SSBP2: variants seen among roughly 807,000 people sequenced by gnomAD.
The protein encoded by SSBP2 is single stranded DNA binding protein 2, also known as single-stranded DNA-binding protein 2.
A neutral mutation model predicts 61.8 loss-of-function variants in SSBP2; 17 were observed. That is an observed-to-expected ratio of 0.28 (90% CI 0.19 to 0.41). SSBP2 has a LOEUF of 0.41. Ranked by LOEUF, SSBP2 falls within the 10% of genes least tolerant of loss-of-function variation. The probability of loss-of-function intolerance (pLI) is 1.00; values close to 1 mark genes in which losing one functional copy is unlikely to be tolerated. For synonymous variants in SSBP2, 139 were observed against 141.3 expected (o/e 0.98, Z 0.12); for missense variants, 310 against 458.7 (o/e 0.68, Z 2.96).
chr5:81,688,806 G>A (rs1202029179), intron 1 of SSBP2, among the ~76,000 whole-genome samples: 1 of 152,086 alleles, frequency 6.6e-6, no homozygotes, highest in Non-Finnish European at 1.5e-5. Context: ...ACTCTTCAAT[G>A]CTCGAACACT....
At chr5:81,684,408 A>G (rs1752617619) in intron 1 of SSBP2, among the ~76,000 whole-genome samples, 1 of 152,216 alleles carries the variant, frequency 6.6e-6, no homozygotes, top group Non-Finnish European at 1.5e-5. Flanking sequence ...CTATGGATAC[A>G]GCAAAAAGAT....
At position 81,597,304 on chromosome 5, in the gene SSBP2, A is replaced by T. The variant is rs1239353931; in HGVS notation, c.282+18169T>A. Among the ~76,000 whole-genome samples the T allele has an allele frequency of 3.9e-5, 6 of 152,226 alleles. No homozygotes were observed. In the East Asian group the frequency reaches 7.7e-4, roughly 20 times the overall value. On this transcript the variant is annotated intron_variant, in intron 4 of 16. Transcript: ENST00000320672. ...TCAGAGAAATGCAAATCAAAACCAC[A>T]ATGAGATACCATCTCACACCAGTTA...
At chr5:81,500,886 C>T (rs1767657460) in intron 5 of SSBP2, among the ~76,000 whole-genome samples, 1 of 151,718 alleles carries the variant, frequency 6.6e-6, no homozygotes, top group Non-Finnish European at 1.5e-5. Flanking sequence ...TCAAATTGCA[C>T]AAATTAAAGT....
chr5:81,739,064 C>T (rs1460872943), intron 1 of SSBP2, among the ~76,000 whole-genome samples: 4 of 138,144 alleles, frequency 2.9e-5, no homozygotes, highest in Non-Finnish European at 4.6e-5. Context: ...ACTTGGGAGG[C>T]TGAAGCAGGA....
At chr5:81,500,882 T>TGC (rs902516410) in intron 5 of SSBP2, among the ~76,000 whole-genome samples, 25 of 151,924 alleles carry the variant, frequency 1.6e-4, no homozygotes, top group Non-Finnish European at 2.9e-5. Context: ...GAATTCAAAT[T>TGC]GCACAAATTA....
At chr5:81,717,842 T>C (rs974947708) in intron 1 of SSBP2, among the ~76,000 whole-genome samples, 7 of 152,184 alleles carry the variant, frequency 4.6e-5, no homozygotes, top group African/African-American at 1.7e-4. Context: ...TCTCCAGCCA[T>C]AAGACATAAA....
At chr5:81,663,971 C>A (rs1013719145) in intron 1 of SSBP2, among the ~76,000 whole-genome samples, 19 of 152,116 alleles carry the variant, frequency 1.2e-4, no homozygotes, top group African/African-American at 4.6e-4. Flanking sequence ...TGAGTTAATT[C>A]ACTATATGTG....
rs1253730384 is a variant in SSBP2 at position 81,412,807 on chromosome 5, G to A, written c.*7697C>T. Among the ~76,000 whole-genome samples the A allele has an allele frequency of 6.6e-6, 1 of 152,150 alleles. No homozygotes were observed. The highest frequency in any genetic ancestry group is 6.5e-5 in the Admixed American group (1 of 15,274). On this transcript the variant is annotated 3_prime_UTR_variant, in exon 17 of 17. Transcript: ENST00000320672. ...ACTCACATTATGTATAGTCATATTT[G>A]CAGTAAAATACCAAAGTTTAATTCA...
chr5:81,560,142 T>C (rs1270239249), intron 4 of SSBP2, among the ~76,000 whole-genome samples: 1 of 152,184 alleles, frequency 6.6e-6, no homozygotes, highest in Non-Finnish European at 1.5e-5. Flanking sequence ...CCACGATTAA[T>C]TGTATAACAC....
At chr5:81,425,510 T>C (rs1191290044) in intron 16 of SSBP2, among the ~76,000 whole-genome samples, 1 of 152,212 alleles carries the variant, frequency 6.6e-6, no homozygotes, top group South Asian at 2.1e-4. Flanking sequence ...GTTTACTCAA[T>C]TGATTATATT....
intron 1 of SSBP2, among the ~76,000 whole-genome samples, chr5:81,691,543 T>A (rs558646438): frequency 1.3e-5 from 2 of 150,522 alleles, no homozygotes; most frequent in South Asian, 4.2e-4. Flanking sequence ...CAATAACAAG[T>A]AACAAAATTA....
rs373357700 is a variant in SSBP2, at chr5:81,466,923, T to C, written c.638+51A>G. 2.3e-4 allele frequency: 254 copies of C among 1,124,500 alleles called. 1 individual carries two copies. Among genetic ancestry groups the C allele is most frequent in the Middle Eastern group, 1.2e-3 (5 of 4,220 alleles). The allele number at this position is 1,124,500 out of a possible 1,614,324, so 69.7% of individuals were successfully genotyped here. Reference sequence around the variant, plus strand: ...AGAATAATATGGTATTATTTATATATATAAAATATCATCCACGTAATAATG... The same window carrying C: ...AGAATAATATGGTATTATTTATATACATAAAATATCATCCACGTAATAATG... On this transcript the variant is annotated intron_variant, in intron 9 of 16. Transcript: ENST00000320672.
chr5:81,494,404 G>A lies in SSBP2; in HGVS notation c.373-5095C>T, dbSNP rs76216270. Among the ~76,000 whole-genome samples, 60 of 152,262 alleles carry A rather than the reference G, an allele frequency of 3.9e-4. No homozygotes were observed. The East Asian group carries it at 9.8e-3, about 25-fold the overall frequency. On this transcript the variant is annotated intron_variant, in intron 5 of 16. Transcript: ENST00000320672. Reference sequence around the variant, plus strand: ...TGTATGCTACGGACTGAATGTTTATGTCTGCATAAAATTCATATATTGAAA... The same window carrying A: ...TGTATGCTACGGACTGAATGTTTATATCTGCATAAAATTCATATATTGAAA...
chr5:81,570,016 T>A (rs1191683949), intron 4 of SSBP2, among the ~76,000 whole-genome samples: 2 of 151,802 alleles, frequency 1.3e-5, no homozygotes, highest in African/African-American at 4.8e-5. Flanking sequence ...AACTCTGATT[T>A]AAAAAAAAGA....
At chr5:81,660,480 T>C (rs1750591054) in intron 1 of SSBP2, among the ~76,000 whole-genome samples, 2 of 152,100 alleles carry the variant, frequency 1.3e-5, no homozygotes, top group African/African-American at 4.8e-5. Flanking sequence ...CCAGTCAAAA[T>C]GGCAATTATT....
intron 4 of SSBP2, among the ~76,000 whole-genome samples, chr5:81,551,141 G>GTTA (rs1480271356): frequency 2.7e-5 from 4 of 146,692 alleles, no homozygotes; most frequent in Non-Finnish European, 4.5e-5. Flanking sequence ...GAATGTTCAT[G>GTTA]TTATTATTAT....
chr5:81,465,958 A>G (rs1764864103), intron 9 of SSBP2, among the ~76,000 whole-genome samples: 1 of 151,966 alleles, frequency 6.6e-6, no homozygotes, highest in African/African-American at 2.4e-5. Context: ...ATTTCAGGCA[A>G]ATTTGCTTTC....
intron 15 of SSBP2, among the ~76,000 whole-genome samples, chr5:81,430,300 T>C (rs1212828376): frequency 1.3e-5 from 2 of 152,148 alleles, no homozygotes; most frequent in African/African-American, 2.4e-5. Context: ...TTGGTAATAC[T>C]AGAATAAAAT....
intron 4 of SSBP2, among the ~76,000 whole-genome samples, chr5:81,525,118 A>G (rs542763511): frequency 2.0e-3 from 302 of 152,050 alleles, no homozygotes; most frequent in Non-Finnish European, 3.8e-3. Flanking sequence ...TCTATTTGCT[A>G]GATTCCCTGA....
Sources: allele counts gnomAD v4.1 joint callset (sites outside exome capture counted in the v4.1 genomes callset), GRCh38; gene constraint gnomAD v4.1.1; transcripts MANE v1.5; gene names NCBI Gene and HGNC (gene_info 2026-07-23, HGNC 2026-07-21).